The following MAN2A1 variants were observed in gnomAD, a reference collection of about 807,000 sequenced individuals.
The protein encoded by MAN2A1 is mannosidase alpha class 2A member 1, also known as alpha-mannosidase 2.
In MAN2A1, 76 loss-of-function variants were observed where a neutral mutation model predicts 142.6. The observed-to-expected ratio is 0.53, with a 90% CI of 0.44 to 0.65. The LOEUF (loss-of-function observed/expected upper bound fraction) is 0.65, where lower values mean the gene tolerates loss of function less well. Among genes scored for constraint, MAN2A1 ranks in the 30% least tolerant of loss-of-function variants. The pLI, the probability that MAN2A1 is intolerant of heterozygous loss-of-function variation, is 0.00. For missense variants in MAN2A1, 1,311 were observed against 1,365.1 expected (o/e 0.96, Z 0.62); for synonymous variants, 559 against 473.2 (o/e 1.18, Z -2.35).
rs1755900958 is a variant in MAN2A1 at position 109,867,004 on chromosome 5, A to C, written c.*6A>C. ...TCCGAATCCAGTTGAGGTGAACCTGACTTTCACATTTGGATTGAGAATCAT... is the reference window on the plus strand; with the variant it reads ...TCCGAATCCAGTTGAGGTGAACCTGCCTTTCACATTTGGATTGAGAATCAT... On this transcript the variant is annotated 3_prime_UTR_variant, in exon 22 of 22. Transcript: ENST00000261483. 1.2e-6 allele frequency: 2 copies of C among 1,605,286 alleles called. No individual in the cohort carries two copies. Among genetic ancestry groups the C allele is most frequent in the Non-Finnish European group, 1.7e-6 (2 of 1,176,482 alleles).
chr5:109,760,767 A>C (rs1481951338), intron 5 of MAN2A1, among the ~76,000 whole-genome samples: 2 of 152,004 alleles, frequency 1.3e-5, no homozygotes, highest in Non-Finnish European at 1.5e-5. Flanking sequence ...TGGCTGCATA[A>C]ATGTCTTCTT....
intron 1 of MAN2A1, among the ~76,000 whole-genome samples, chr5:109,711,032 T>C (rs1751286871): frequency 6.6e-6 from 1 of 152,016 alleles, no homozygotes; most frequent in Non-Finnish European, 1.5e-5. Context: ...TTCACCATGT[T>C]GGCCAGGCTG....
intron 4 of MAN2A1, among the ~76,000 whole-genome samples, chr5:109,751,032 C>CTA (rs1404024939): frequency 6.6e-5 from 10 of 151,984 alleles, no homozygotes; most frequent in Non-Finnish European, 1.3e-4. Flanking sequence ...TTGTTGTTAA[C>CTA]TATAGTCACC....
rs114546693 is a variant in MAN2A1 at position 109,785,645 on chromosome 5, T to C, written c.1760+719T>C. Reference sequence around the variant, plus strand: ...GCTTCCTAATAAGGGGGAAGAAATCTTACCTTTTGTAGTAGGGAGTTCTCT... The same window carrying C: ...GCTTCCTAATAAGGGGGAAGAAATCCTACCTTTTGTAGTAGGGAGTTCTCT... On this transcript the variant is annotated intron_variant, in intron 10 of 21. Coordinates refer to ENST00000261483, the MANE Select transcript of MAN2A1 (RefSeq NM_002372.4). Among the ~76,000 whole-genome samples the C allele has an allele frequency of 7.6e-3, 1,158 of 152,178 alleles. 5 individuals are homozygous for C. Among genetic ancestry groups the C allele is most frequent in the Non-Finnish European group, 0.013 (874 of 67,968 alleles).
In MAN2A1 at chr5:109,867,678, G is replaced by A. The variant is rs962599888; in HGVS notation, c.*680G>A. ...TTCATTACTTGACAATGTGGGATGG[G>A]TGCAATTTATTCCATCTTCACTAAA... is the stretch of plus-strand genomic sequence containing the variant. On this transcript the variant is annotated 3_prime_UTR_variant, in exon 22 of 22. Transcript: ENST00000261483. 1 of 152,460 alleles carries A rather than the reference G, an allele frequency of 6.6e-6. No individual in the cohort carries two copies. The highest frequency in any genetic ancestry group is 2.4e-5 in the African/African-American group (1 of 41,384). 9.4% of individuals were successfully genotyped at this position (152,460 alleles called of 1,614,324 possible). A position where few individuals can be genotyped will look rare whatever the true frequency, so the allele number is the denominator to read the frequency against.
Position 109,833,354 on chromosome 5 carries a change from C to T in MAN2A1, c.2567-8974C>T, listed in dbSNP as rs56725542. Reference sequence around the variant, plus strand: ...TGGAGGTTGTAGCGAGCCGAGATCACGCCACTGCACTCCAGCCTGGGCAAC... The same window carrying T: ...TGGAGGTTGTAGCGAGCCGAGATCATGCCACTGCACTCCAGCCTGGGCAAC... On this transcript the variant is annotated intron_variant, in intron 16 of 21. Transcript: ENST00000261483. Among the ~76,000 whole-genome samples, 970 of 152,128 alleles carry T rather than the reference C, an allele frequency of 6.4e-3. 15 individuals carry two copies. Among genetic ancestry groups the T allele is most frequent in the African/African-American group, 0.021 (888 of 41,444 alleles).
In MAN2A1 at chr5:109,767,559, C is replaced by T. The variant is rs754591633; in HGVS notation, c.860C>T (p.Ala287Val). The change falls in exon 6 of 22, where the codon GCT (alanine) becomes GTT (valine). Residue 287 changes from alanine to valine, a missense_variant. Ala to Val is a moderately conservative substitution (Grantham distance 64, BLOSUM62 0). This residue lies in a region of MAN2A1 where 409 missense variants were observed against 412.7 expected (regional missense o/e 0.99). Transcript: ENST00000261483. ...GGAGTGAAACCTCGGTCCGGCTGGG[C>T]TATTGATCCCTTTGGACACTCACCA... ...NIGVKPRSGW[A>V]IDPFGHSPTM... 1.7e-5 allele frequency: 28 copies of T among 1,613,344 alleles called. No homozygotes were observed. Among genetic ancestry groups the T allele is most frequent in the Non-Finnish European group, 2.4e-5 (28 of 1,179,590 alleles).
intron 17 of MAN2A1, among the ~76,000 whole-genome samples, chr5:109,845,482 G>A (rs973662863): frequency 1.8e-4 from 28 of 152,078 alleles, no homozygotes; most frequent in African/African-American, 6.5e-4. Context: ...GGATAGAGAG[G>A]TATTATACTT....
chr5:109,827,651 CTCTT>C (rs1754791712), intron 16 of MAN2A1, among the ~76,000 whole-genome samples: 4 of 152,328 alleles, frequency 2.6e-5, no homozygotes, highest in African/African-American at 9.6e-5. Flanking sequence ...GAAGGGCTCT[CTCTT>C]TCTTAACATC....
At chr5:109,698,140 C>G (rs1750866741) in intron 1 of MAN2A1, among the ~76,000 whole-genome samples, 1 of 152,128 alleles carries the variant, frequency 6.6e-6, no homozygotes, top group Non-Finnish European at 1.5e-5. Context: ...TAATTCTGAG[C>G]CCAGTCTGAT....
At chr5:109,755,293 A>G (rs754775181) in intron 4 of MAN2A1, 36 bp from the exon 5 acceptor site, 98 of 1,535,588 alleles carry the variant, frequency 6.4e-5, no homozygotes, top group Non-Finnish European at 8.4e-5. Flanking sequence ...TTTTCTTAAC[A>G]TTTATTAATG....
chr5:109,847,632 G>C (rs909171187), intron 18 of MAN2A1, 25 bp from the exon 19 acceptor site: 20 of 1,476,972 alleles, frequency 1.4e-5, no homozygotes, highest in Non-Finnish European at 1.8e-5. Context: ...GGTCAGTTTT[G>C]CTTGTTTGTT....
rs769754230 is a variant in MAN2A1 at position 109,866,856 on chromosome 5, A to C, written c.3293A>C (p.Gln1098Pro). 5 of 1,604,156 alleles carry C rather than the reference A, an allele frequency of 3.1e-6. No individual in the cohort carries two copies. The African/African-American group carries it at 6.7e-5, about 22-fold the overall frequency. The change falls in exon 22 of 22, where the codon CAG becomes CCG. Residue 1098 changes from glutamine to proline, a missense_variant. Physicochemically the swap from Gln to Pro is moderately conservative, Grantham distance 76. Around this residue, in one of 3 missense-constraint regions of MAN2A1, gnomAD observed 890 missense variants for 920.5 expected, o/e 0.97. Coordinates refer to ENST00000261483, the MANE Select transcript of MAN2A1 (RefSeq NM_002372.4). ...CSTTQGKILVQKLLNKFIVES... is the reference protein window; with the variant it reads ...CSTTQGKILVPKLLNKFIVES... ...TCATTTACTTTTCAGATATTGGTACAGAAACTTTTAAACAAGTTTATTGTC... is the reference window on the plus strand; with the variant it reads ...TCATTTACTTTTCAGATATTGGTACCGAAACTTTTAAACAAGTTTATTGTC...
intron 16 of MAN2A1, among the ~76,000 whole-genome samples, chr5:109,834,821 A>C (rs974409620): frequency 2.0e-5 from 3 of 152,208 alleles, no homozygotes; most frequent in Non-Finnish European, 4.4e-5. Flanking sequence ...AATCAATATG[A>C]ACATTTACAG....
At chr5:109,850,056 A>G (rs1203514356) in intron 19 of MAN2A1, among the ~76,000 whole-genome samples, 1 of 152,030 alleles carries the variant, frequency 6.6e-6, no homozygotes, top group African/African-American at 2.4e-5. Flanking sequence ...CCCTTCCCCT[A>G]TGCTGCCTCC....
Position 109,847,763 on chromosome 5 carries a change from A to G in MAN2A1, c.2949A>G (p.Leu983=), listed in dbSNP as rs770128442. 21 of 1,590,224 alleles carry G rather than the reference A, an allele frequency of 1.3e-5. No homozygotes were observed. The highest frequency in any genetic ancestry group is 1.8e-5 in the Non-Finnish European group (21 of 1,169,194). The change falls in exon 19 of 22, where the codon CTA becomes CTG. Residue 983 remains leucine (L), a synonymous_variant. Transcript: ENST00000261483. ...TTACAGCTAATCTATTTCGAATACT[A>G]CTAGAAAAAAGAAGTGCTGTTAATA... The part of the protein sequence containing the change: ...NKITANLFRI[L]LEKRSAVNTE...
chr5:109,713,414 G>T lies in MAN2A1; in HGVS notation c.136-106G>T, dbSNP rs192164844. 1.1e-4 allele frequency: 98 copies of T among 892,950 alleles called. No individual in the cohort carries two copies. In the Admixed American group the frequency reaches 1.7e-3, roughly 16 times the overall value. 55.3% of individuals were successfully genotyped at this position (892,950 alleles called of 1,614,324 possible). A position where few individuals can be genotyped will look rare whatever the true frequency, so the allele number is the denominator to read the frequency against. ...TATAAAAGTGGAAAGTGAAGGGTGA[G>T]TGGCTGCCCTCGTAGGCAACCACAT... On this transcript the variant is annotated intron_variant, in intron 1 of 21. Transcript: ENST00000261483.
intron 1 of MAN2A1, 110 bp downstream of exon 1, chr5:109,690,662 G>T: frequency 1.6e-6 from 2 of 1,264,148 alleles, no homozygotes; most frequent in Non-Finnish European, 2.2e-6. Flanking sequence ...CACCCGTGCT[G>T]GGCGAGGCCA....
chr5:109,806,595 G>A (rs571238558), intron 12 of MAN2A1, among the ~76,000 whole-genome samples: 2 of 152,180 alleles, frequency 1.3e-5, no homozygotes, highest in South Asian at 4.2e-4. Context: ...CTAACATAGA[G>A]CTTTCTAGAA....
Sources: allele counts gnomAD v4.1 joint callset (sites outside exome capture counted in the v4.1 genomes callset), GRCh38; gene constraint gnomAD v4.1.1; regional missense constraint gnomAD v4.1.1; transcripts MANE v1.5; gene names NCBI Gene and HGNC (gene_info 2026-07-23, HGNC 2026-07-21).